Variants in DHX30 observed in about 807,000 individuals in gnomAD.
DHX30 encodes the protein ATP-dependent RNA helicase DHX30.
Under a neutral mutation model 116.9 loss-of-function variants are expected in DHX30, and 4 were observed. The observed-to-expected ratio is 0.03, with a 90% CI of 0.02 to 0.08. The LOEUF (loss-of-function observed/expected upper bound fraction) is 0.08, where lower values mean the gene tolerates loss of function less well. Ranked by LOEUF, DHX30 falls within the 10% of genes least tolerant of loss-of-function variation. The pLI, the probability that DHX30 is intolerant of heterozygous loss-of-function variation, is 1.00. For missense variants in DHX30, 871 were observed against 1,595.1 expected, an observed-to-expected ratio of 0.55 and a Z score of 7.73; for synonymous variants, 697 against 651.7, an observed-to-expected ratio of 1.07 and a Z score of -1.06.
chr3:47,846,293 A>G lies in DHX30; in HGVS notation c.1221A>G (p.Glu407=), dbSNP rs1239533733. The change falls in exon 11 of 22, where the codon GAA becomes GAG. Residue 407 remains glutamate (E), a synonymous_variant. Transcript: ENST00000445061. The stretch of plus-strand genomic sequence containing the variant: ...GCAAGCCCTATGTGCCCCTGTTGGA[A>G]GCAGAGGAGGTACGTCTCAGCCAGA... ...ITGKPYVPLL[E]AEEVRLSQSL... is the part of the protein sequence containing the mutation. The G allele has an allele frequency of 6.2e-7, 1 of 1,614,186 alleles. No individual in the cohort carries two copies. Among genetic ancestry groups the G allele is most frequent in the Admixed American group, 1.7e-5 (1 of 60,028 alleles).
At chr3:47,813,471 G>C (rs1340478132) in intron 3 of DHX30, among the ~76,000 whole-genome samples, 1 of 152,200 alleles carries the variant, frequency 6.6e-6, no homozygotes, top group Non-Finnish European at 1.5e-5. Flanking sequence ...TGTGTTTATA[G>C]GAGGTAAAGT....
intron 4 of DHX30, among the ~76,000 whole-genome samples, chr3:47,826,959 G>A (rs1306706444): frequency 6.6e-6 from 1 of 152,136 alleles, no homozygotes; most frequent in Non-Finnish European, 1.5e-5. Flanking sequence ...TGTGTGTGGT[G>A]GATTTTTGTT....
At chr3:47,845,011 C>T (rs1052663506) in intron 9 of DHX30, among the ~76,000 whole-genome samples, 3 of 151,972 alleles carry the variant, frequency 2.0e-5, no homozygotes, top group African/African-American at 4.8e-5. Flanking sequence ...GTTCTAGCAT[C>T]GAGGGCCTGG....
chr3:47,849,913 GCGGC>G lies in DHX30; in HGVS notation c.3379_3382del (p.Arg1127TrpfsTer11). The G allele has an allele frequency of 6.2e-7, 1 of 1,613,496 alleles. No individual in the cohort carries two copies. Among genetic ancestry groups the G allele is most frequent in the Non-Finnish European group, 8.5e-7 (1 of 1,179,822 alleles). On this transcript the variant is annotated frameshift_variant, in exon 22 of 22. Transcript: ENST00000445061. LOFTEE classifies it high-confidence loss of function. ...TCTCACTGAGCGACAGTGACCTGCT[GCGGC>G]TGGAGGGTGACTCGCGTACCGTGCG...
chr3:47,818,191 T>C (rs1337419684), intron 4 of DHX30, 74 bp downstream of exon 4: 1 of 734,184 alleles, frequency 1.4e-6, no homozygotes, highest in Non-Finnish European at 2.5e-6. Context: ...ATGGGAGCCC[T>C]GGTGCCAGGG....
intron 2 of DHX30, among the ~76,000 whole-genome samples, chr3:47,807,071 T>C (rs1411957681): frequency 6.6e-6 from 1 of 151,982 alleles, no homozygotes. Context: ...CCAGGCGTGG[T>C]GGCGGGTGCC....
In DHX30 at chr3:47,848,056, T is replaced by C. The variant is rs921854827; in HGVS notation, c.2286+100T>C. ...TACCTTAGACCTGCTTTGTGTGTCT[T>C]CAGAAGGCCGCGCTTGTGGGGTCTC... On this transcript the variant is annotated intron_variant, in intron 14 of 21. Transcript: ENST00000445061. This position sits in a 1 kb window ranked among gnomAD's most constrained non-coding sequence, Gnocchi z 9.4. 40 of 1,582,884 alleles carry C rather than the reference T, an allele frequency of 2.5e-5. No homozygotes were observed. The African/African-American group carries it at 5.4e-4, about 21-fold the overall frequency.
chr3:47,837,470 C>T (rs905663163), intron 6 of DHX30, among the ~76,000 whole-genome samples: 6 of 152,148 alleles, frequency 3.9e-5, no homozygotes, highest in African/African-American at 1.4e-4. Context: ...GAGGAGGTTT[C>T]TTCAACGGTA....
At chr3:47,826,539 G>A (rs1030963032) in intron 4 of DHX30, among the ~76,000 whole-genome samples, 47 of 150,622 alleles carry the variant, frequency 3.1e-4, no homozygotes, top group African/African-American at 1.1e-3. Context: ...TCCGCCTCCC[G>A]GGTTCAAGCG....
chr3:47,845,621 G>T, intron 9 of DHX30, 79 bp from the exon 10 acceptor site: 2 of 1,388,316 alleles, frequency 1.4e-6, no homozygotes, highest in Non-Finnish European at 1.9e-6. Context: ...CAACTTATGC[G>T]TTGGAGCTCC....
chr3:47,830,633 G>T (rs1412892356), intron 6 of DHX30: 1 of 151,980 alleles, frequency 6.6e-6, no homozygotes, highest in Non-Finnish European at 1.5e-5. Flanking sequence ...TTGCTCTGTT[G>T]CCCAGACTGG....
At chr3:47,807,515 A>G (rs919581876) in intron 2 of DHX30, among the ~76,000 whole-genome samples, 1 of 151,790 alleles carries the variant, frequency 6.6e-6, no homozygotes, top group Non-Finnish European at 1.5e-5. Context: ...CATCCTGGCC[A>G]ACATGATGAA....
At chr3:47,820,742 C>T (rs2036257904) in intron 4 of DHX30, among the ~76,000 whole-genome samples, 1 of 152,088 alleles carries the variant, frequency 6.6e-6, no homozygotes, top group South Asian at 2.1e-4. Flanking sequence ...AGATGTCATC[C>T]CCGATCCAGA....
rs2037648224 is a variant in DHX30 at position 47,847,156 on chromosome 3, C to G, written c.1930-117C>G. 8.7e-6 allele frequency: 13 copies of G among 1,486,914 alleles called. No individual in the cohort carries two copies. Among genetic ancestry groups the G allele is most frequent in the Non-Finnish European group, 1.2e-5 (13 of 1,073,056 alleles). The allele number at this position is 1,486,914 out of a possible 1,614,324, so 92.1% of individuals were successfully genotyped here. On this transcript the variant is annotated intron_variant, in intron 11 of 21. Transcript: ENST00000445061. The surrounding 1 kb of genome is among the most constrained non-coding windows in gnomAD (Gnocchi z 5.5). The stretch of plus-strand genomic sequence containing the variant: ...GGGGACTAACCCTGCCTGCGTGGCA[C>G]ACGTGAGGATTGGAGTTGATGTCAA...
intron 18 of DHX30, 49 bp from the exon 19 acceptor site, chr3:47,849,143 C>T (rs551668113): frequency 6.2e-7 from 1 of 1,613,230 alleles, no homozygotes; most frequent in Non-Finnish European, 8.5e-7. Context: ...CTGTCACCTC[C>T]AGCCTGTGGC....
intron 3 of DHX30, among the ~76,000 whole-genome samples, chr3:47,813,598 T>G (rs1047321095): frequency 6.6e-6 from 1 of 152,214 alleles, no homozygotes. Flanking sequence ...AAGCTGATTC[T>G]GAGGCTTCTG....
chr3:47,823,672 T>A (rs2036402582), intron 4 of DHX30, among the ~76,000 whole-genome samples: 1 of 152,038 alleles, frequency 6.6e-6, no homozygotes, highest in African/African-American at 2.4e-5. Context: ...GATTTTTTTT[T>A]AACATAAAAA....
At chr3:47,807,703 C>CAAAAAAAAAAAAA (rs1202083372) in intron 2 of DHX30, among the ~76,000 whole-genome samples, 5 of 32,758 alleles carry the variant, frequency 1.5e-4, no homozygotes, top group African/African-American at 2.6e-4. Context: ...GACTCTGTCT[C>CAAAAAAAAAAAAA]AAAAAAAAAA....
intron 6 of DHX30, among the ~76,000 whole-genome samples, chr3:47,836,524 TTTG>T (rs1046552726): frequency 1.3e-5 from 2 of 151,866 alleles, no homozygotes; most frequent in Non-Finnish European, 2.9e-5. Flanking sequence ...TTTGTTTTGT[TTTG>T]TTTTGTTTTG....
Sources: allele counts gnomAD v4.1 joint callset (sites outside exome capture counted in the v4.1 genomes callset), GRCh38; gene constraint gnomAD v4.1.1; non-coding constraint Gnocchi (gnomAD v3.1); transcripts MANE v1.5; gene names NCBI Gene and HGNC (gene_info 2026-07-23, HGNC 2026-07-21).